The following ADGRL2 variants were observed in gnomAD, a reference collection of about 807,000 sequenced individuals.
ADGRL2 encodes the protein adhesion G protein-coupled receptor L2, also known as calcium-independent alpha-latrotoxin receptor 2.
ADGRL2 carries 44 observed loss-of-function variants against 157.4 expected under a neutral mutation model. That is an observed-to-expected ratio of 0.28 (90% CI 0.22 to 0.36). The LOEUF (loss-of-function observed/expected upper bound fraction) is 0.36. ADGRL2 is among the 10% of genes least tolerant of loss of function. The pLI, the probability that ADGRL2 is intolerant of heterozygous loss-of-function variation, is 1.00. For synonymous variants in ADGRL2, 585 were observed against 624.7 expected, an observed-to-expected ratio of 0.94 and a Z score of 0.95; for missense variants, 1,510 against 1,768.9, an observed-to-expected ratio of 0.85 and a Z score of 2.63.
intron 2 of ADGRL2, among the ~76,000 whole-genome samples, chr1:81,556,092 C>T (rs2080270013): frequency 6.6e-6 from 1 of 151,952 alleles, no homozygotes; most frequent in Non-Finnish European, 1.5e-5. Flanking sequence ...ACTACACTAA[C>T]CCAAGACATT....
chr1:81,631,671 A>C (rs1179091894), intron 3 of ADGRL2, among the ~76,000 whole-genome samples: 1 of 152,214 alleles, frequency 6.6e-6, no homozygotes, highest in East Asian at 1.9e-4. Flanking sequence ...GTTGGTTCTA[A>C]TGTATAACAA....
At chr1:81,616,992 A>G (rs1570649439) in intron 3 of ADGRL2, among the ~76,000 whole-genome samples, 2 of 152,248 alleles carry the variant, frequency 1.3e-5, no homozygotes, top group South Asian at 4.1e-4. Context: ...TCTAGTTTTT[A>G]TAGAGGTAAG....
intron 1 of ADGRL2, among the ~76,000 whole-genome samples, chr1:81,417,004 G>A (rs368680032): frequency 6.6e-5 from 10 of 152,242 alleles, no homozygotes; most frequent in Admixed American, 2.6e-4. Flanking sequence ...TTCTCAGAAC[G>A]TGCTTAAGAA....
At chr1:81,875,423 T>C (rs1460690765) in intron 2 of ADGRL2, among the ~76,000 whole-genome samples, 2 of 152,208 alleles carry the variant, frequency 1.3e-5, no homozygotes, top group African/African-American at 2.4e-5. Flanking sequence ...CAAAATTTGA[T>C]TAAAGCAGCT....
At chr1:81,405,645 A>AT (rs2076840420) in intron 1 of ADGRL2, among the ~76,000 whole-genome samples, 1 of 151,052 alleles carries the variant, frequency 6.6e-6, no homozygotes, top group Admixed American at 6.6e-5. Flanking sequence ...AAAAAAAAAA[A>AT]GGAAATAAAA....
upstream of ADGRL2, among the ~76,000 whole-genome samples, chr1:81,798,079 G>C (rs2087682381): frequency 6.6e-6 from 1 of 152,150 alleles, no homozygotes; most frequent in African/African-American, 2.4e-5. Flanking sequence ...TTGGATTGCA[G>C]GGAATGCGTA....
intron 2 of ADGRL2, among the ~76,000 whole-genome samples, chr1:81,784,956 A>C (rs2086970807): frequency 6.6e-6 from 1 of 152,022 alleles, no homozygotes; most frequent in Non-Finnish European, 1.5e-5. Context: ...GAGAAGACAA[A>C]ATTTTTGTAA....
At chr1:81,631,234 TGAGACAGAG>T (rs1232895525) in intron 3 of ADGRL2, among the ~76,000 whole-genome samples, 1 of 152,130 alleles carries the variant, frequency 6.6e-6, no homozygotes. Context: ...TGTTTTTTTT[TGAGACAGAG>T]TCTTGCTGTG....
At chr1:81,542,697 T>C (rs17106668) in intron 2 of ADGRL2, among the ~76,000 whole-genome samples, 9,986 of 152,258 alleles carry the variant, frequency 0.066, 538 homozygotes, top group East Asian at 0.22. Context: ...TGATTATCAA[T>C]TCAATAAGTA....
intron 1 of ADGRL2, among the ~76,000 whole-genome samples, chr1:81,378,377 C>T (rs1041986795): frequency 4.6e-5 from 7 of 151,466 alleles, no homozygotes; most frequent in African/African-American, 1.2e-4. Flanking sequence ...ATAACTAGAC[C>T]GTATCTCTAC....
rs1458223388 is a variant in ADGRL2, at chr1:81,981,866, G to C, written c.3172G>C (p.Gly1058Arg). ...LCLLGLTWSF[G>R]LLFINEETIV... ...TCTTCTTGGCCTCACCTGGTCCTTT[G>C]GGTTGCTTTTTATTAATGAGGAGAC... Residue 1058 changes from glycine (G) to arginine (R), a missense_variant, in exon 19 of 24, where the codon GGG becomes CGG. By Grantham distance (125) the Gly-to-Arg change is moderately radical. This residue lies in a region of ADGRL2 where 497 missense variants were observed against 627.2 expected (regional missense o/e 0.79). Coordinates refer to ENST00000686636, the MANE Select transcript of ADGRL2 (RefSeq NM_001366006.2). 2 of 1,612,416 alleles carry C rather than the reference G, an allele frequency of 1.2e-6. No individual in the cohort carries two copies. Among genetic ancestry groups the C allele is most frequent in the Non-Finnish European group, 8.5e-7 (1 of 1,178,948 alleles).
chr1:81,791,339 T>C (rs2087335171), intron 2 of ADGRL2, among the ~76,000 whole-genome samples: 1 of 152,088 alleles, frequency 6.6e-6, no homozygotes, highest in South Asian at 2.1e-4. Context: ...GTATTGTGGG[T>C]AATTGGTACA....
Position 81,981,929 on chromosome 1 carries a change from T to G in ADGRL2, c.3235T>G (p.Phe1079Val). Residue 1079 changes from phenylalanine to valine, a missense_variant, in exon 19 of 24, where the codon TTC becomes GTC. This residue lies in a region of ADGRL2 where 497 missense variants were observed against 627.2 expected (regional missense o/e 0.79). Transcript: ENST00000686636. ...MAYLFTIFNA[F>V]QGVFIFIFHC... The stretch of plus-strand genomic sequence containing the variant: ...ATATCTCTTCACTATATTTAATGCT[T>G]TCCAGGGAGTGTTCATTTTCATCTT... 6.2e-7 allele frequency: 1 copy of G among 1,612,352 alleles called. No individual in the cohort carries two copies. The highest frequency in any genetic ancestry group is 2.2e-5 in the East Asian group (1 of 44,830).
intron 17 of ADGRL2, among the ~76,000 whole-genome samples, chr1:81,973,940 A>AATAT (rs5775658): frequency 0.065 from 9,897 of 151,536 alleles, 320 homozygotes; most frequent in East Asian, 0.093. Context: ...GTGGGGAAAA[A>AATAT]ATATATATAT....
intron 3 of ADGRL2, among the ~76,000 whole-genome samples, chr1:81,590,897 A>C (rs2081119191): frequency 6.6e-6 from 1 of 152,086 alleles, no homozygotes; most frequent in African/African-American, 2.4e-5. Flanking sequence ...GAACAACCCC[A>C]TATGAGAAAA....
chr1:81,753,462 G>A (rs747285785), intron 1 of ADGRL2, among the ~76,000 whole-genome samples: 16 of 152,314 alleles, frequency 1.1e-4, no homozygotes, highest in Non-Finnish European at 1.6e-4. Flanking sequence ...AGATTTGGGT[G>A]GAGACACAGA....
At chr1:81,311,300 G>A (rs553471246) in intron 1 of ADGRL2, among the ~76,000 whole-genome samples, 7 of 152,064 alleles carry the variant, frequency 4.6e-5, no homozygotes, top group South Asian at 2.1e-4. Flanking sequence ...ATCTTCTCCC[G>A]GAAAAATTAA....
At position 81,621,106 on chromosome 1, in the gene ADGRL2, C is replaced by G. The variant is rs567892465; in HGVS notation, c.-143+40126C>G. ...TGTGTCCTTTTGTAGGTTTTTCTGA[C>G]TTCTGGAAGCTGAAGTGCTTTCCTC... On this transcript the variant is annotated intron_variant, in intron 3 of 24. Coordinates refer to the ADGRL2 transcript ENST00000370721. Among the ~76,000 whole-genome samples, 5 of 152,244 alleles carry G rather than the reference C, an allele frequency of 3.3e-5. No homozygotes were observed. The South Asian group carries it at 1.0e-3, about 32-fold the overall frequency.
rs1249480669 is a variant in ADGRL2, at chr1:81,990,854, A to G, written c.4119A>G (p.Leu1373=). Residue 1373 remains leucine, a synonymous_variant, in exon 24 of 24, where the codon CTA becomes CTG. Transcript: ENST00000686636. ...SQLTAEAEDH[L]QSPNRDSLYT... ...TGACAGCAGAGGCTGAAGATCACCT[A>G]CAGTCCCCCAACAGAGACTCTCTTT... The G allele has an allele frequency of 1.9e-6, 3 of 1,614,104 alleles. No individual in the cohort carries two copies. Among genetic ancestry groups the G allele is most frequent in the Non-Finnish European group, 2.5e-6 (3 of 1,180,002 alleles).
Sources: allele counts gnomAD v4.1 joint callset (sites outside exome capture counted in the v4.1 genomes callset), GRCh38; gene constraint gnomAD v4.1.1; regional missense constraint gnomAD v4.1.1; transcripts MANE v1.5; gene names NCBI Gene and HGNC (gene_info 2026-07-23, HGNC 2026-07-21).